The following CLSTN2 variants were observed in gnomAD, a reference collection of about 807,000 sequenced individuals.
CLSTN2 encodes the protein calsyntenin 2.
In CLSTN2, 48 loss-of-function variants were observed where a neutral mutation model predicts 101.2. That is an observed-to-expected ratio of 0.47 (90% confidence interval 0.38 to 0.60). CLSTN2 has a LOEUF of 0.60. Among genes scored for constraint, CLSTN2 ranks in the 20% least tolerant of loss-of-function variants. The pLI is 0.00. For synonymous variants in CLSTN2, 481 were observed against 463.6 expected (o/e 1.04, Z -0.48); for missense variants, 1,160 against 1,238.2 (o/e 0.94, Z 0.95).
At chr3:140,450,200 A>G (rs375067251) in intron 6 of CLSTN2, among the ~76,000 whole-genome samples, 2 of 152,148 alleles carry the variant, frequency 1.3e-5, no homozygotes, top group African/African-American at 4.8e-5. Context: ...AGGCCCAGAG[A>G]GTGAAAATGA....
intron 1 of CLSTN2, among the ~76,000 whole-genome samples, chr3:140,121,109 C>T (rs544099405): frequency 3.2e-4 from 48 of 152,236 alleles, no homozygotes; most frequent in Middle Eastern, 3.4e-3. Flanking sequence ...AGAAGTAGTG[C>T]GGTGTCTCAG....
In CLSTN2 at chr3:139,935,379, T is replaced by C. The variant is rs1237028998; in HGVS notation, c.5T>C (p.Leu2Pro). 1 of 1,227,300 alleles carries C rather than the reference T, an allele frequency of 8.1e-7. No homozygotes were observed. Among genetic ancestry groups the C allele is most frequent in the Non-Finnish European group, 1.0e-6 (1 of 985,018 alleles). 76.0% of individuals were successfully genotyped at this position (1,227,300 alleles called of 1,614,324 possible). The change falls in exon 1 of 17, where the codon CTG becomes CCG. Residue 2 changes from leucine (L) to proline (P), a missense_variant. By Grantham distance (98) the Leu-to-Pro change is moderately conservative. Coordinates refer to ENST00000458420, the MANE Select transcript of CLSTN2 (RefSeq NM_022131.3). The surrounding 1 kb of genome is among the most constrained non-coding windows in gnomAD (Gnocchi z 5.5). ...TCGTTGGCGGCTGCTGCGAGGATGC[T>C]GCCTGGGCGGCTGTGCTGGGTGCCG... is the stretch of plus-strand genomic sequence containing the variant. M[L>P]PGRLCWVPLL...
chr3:140,347,451 G>A (rs7610675), intron 2 of CLSTN2, among the ~76,000 whole-genome samples: 72,929 of 152,020 alleles, frequency 0.48, 18,041 homozygotes, highest in Non-Finnish European at 0.53. Context: ...TAAACCTGGT[G>A]TGAACATATT....
chr3:140,529,436 G>A (rs931217303), intron 8 of CLSTN2, among the ~76,000 whole-genome samples: 1 of 152,200 alleles, frequency 6.6e-6, no homozygotes, highest in African/African-American at 2.4e-5. Context: ...TTCATGAACA[G>A]TCGGGAATTG....
chr3:140,070,125 C>T (rs1036465685), intron 1 of CLSTN2, among the ~76,000 whole-genome samples: 42 of 152,288 alleles, frequency 2.8e-4, no homozygotes, highest in African/African-American at 9.4e-4. Context: ...CATTTGTGGT[C>T]ACCTATATTT....
chr3:140,515,649 A>G (rs1245950466), intron 8 of CLSTN2, among the ~76,000 whole-genome samples: 3 of 152,052 alleles, frequency 2.0e-5, no homozygotes, highest in African/African-American at 7.2e-5. Context: ...GGAGCAGGTT[A>G]TTTAATTTCT....
intron 8 of CLSTN2, among the ~76,000 whole-genome samples, chr3:140,526,643 C>CAACA (rs57982149): frequency 0.064 from 8,455 of 131,710 alleles, 477 homozygotes; most frequent in East Asian, 0.24. Context: ...ACAACAACAA[C>CAACA]AAAAAAAAAA....
At chr3:140,535,331 T>C (rs1935336880) in intron 9 of CLSTN2, among the ~76,000 whole-genome samples, 1 of 152,202 alleles carries the variant, frequency 6.6e-6, no homozygotes. Context: ...CCCCGGAAGA[T>C]ATTTCCTTCC....
At chr3:140,135,159 T>A (rs918067205) in intron 1 of CLSTN2, among the ~76,000 whole-genome samples, 7 of 102,084 alleles carry the variant, frequency 6.9e-5, no homozygotes, top group African/African-American at 1.9e-4. Flanking sequence ...TATATATATA[T>A]ATAAAATATG....
At chr3:140,073,527 G>A (rs1274751627) in intron 1 of CLSTN2, among the ~76,000 whole-genome samples, 2 of 152,154 alleles carry the variant, frequency 1.3e-5, no homozygotes, top group Non-Finnish European at 2.9e-5. Context: ...TCCTTTGCCA[G>A]GCCCAATTGA....
chr3:140,352,151 A>G (rs747957055), intron 2 of CLSTN2, among the ~76,000 whole-genome samples: 7 of 152,216 alleles, frequency 4.6e-5, no homozygotes, highest in Non-Finnish European at 7.3e-5. Flanking sequence ...GGTTGCTGTG[A>G]CATTTAAAAG....
intron 12 of CLSTN2, 101 bp from the exon 13 acceptor site, chr3:140,562,037 C>A: frequency 1.9e-6 from 2 of 1,050,032 alleles, no homozygotes; most frequent in Non-Finnish European, 2.8e-6. Context: ...CCTGACCCAG[C>A]CTTAACCTGG....
At chr3:140,050,570 T>G (rs781676138) in intron 1 of CLSTN2, among the ~76,000 whole-genome samples, 18 of 152,122 alleles carry the variant, frequency 1.2e-4, no homozygotes, top group Non-Finnish European at 2.2e-4. Flanking sequence ...CCATAGGAAT[T>G]GTGACCCTCT....
chr3:139,955,112 C>CCATATATA (rs1553785577), intron 1 of CLSTN2, among the ~76,000 whole-genome samples: 1 of 71,504 alleles, frequency 1.4e-5, no homozygotes, highest in Non-Finnish European at 2.5e-5. Context: ...GGCAATATTG[C>CCATATATA]TATATATATA....
chr3:140,328,621 G>A (rs968941276), intron 2 of CLSTN2, among the ~76,000 whole-genome samples: 1 of 152,088 alleles, frequency 6.6e-6, no homozygotes, highest in Admixed American at 6.5e-5. Context: ...GTTGAAACAT[G>A]AGATATGGAG....
intron 1 of CLSTN2, among the ~76,000 whole-genome samples, chr3:140,059,898 T>C (rs1244681209): frequency 1.3e-5 from 2 of 152,162 alleles, no homozygotes; most frequent in Non-Finnish European, 2.9e-5. Context: ...AAGACATTAA[T>C]GGTTTTGCTT....
chr3:139,955,935 G>A (rs1935386809), intron 1 of CLSTN2, among the ~76,000 whole-genome samples: 1 of 152,174 alleles, frequency 6.6e-6, no homozygotes, highest in Non-Finnish European at 1.5e-5. Flanking sequence ...ACAGGGGGTG[G>A]TAGGACCCTG....
At chr3:140,482,495 AT>A (rs1332282527) in intron 8 of CLSTN2, among the ~76,000 whole-genome samples, 1 of 152,016 alleles carries the variant, frequency 6.6e-6, no homozygotes, top group East Asian at 1.9e-4. Flanking sequence ...TTTTCTATTG[AT>A]TGGAAGTTTC....
At chr3:140,459,492 G>A (rs1257278619) in intron 6 of CLSTN2, 29 bp from the exon 7 acceptor site, 2 of 1,611,648 alleles carry the variant, frequency 1.2e-6, no homozygotes, top group South Asian at 1.1e-5. Flanking sequence ...ATCATGACCT[G>A]TTATCCTTTC....
Sources: allele counts gnomAD v4.1 joint callset (sites outside exome capture counted in the v4.1 genomes callset), GRCh38; gene constraint gnomAD v4.1.1; non-coding constraint Gnocchi (gnomAD v3.1); transcripts MANE v1.5; gene names NCBI Gene and HGNC (gene_info 2026-07-23, HGNC 2026-07-21).